SEZ6L2: variants seen among roughly 807,000 people sequenced by gnomAD.
SEZ6L2 encodes the protein seizure related 6 homolog like 2.
SEZ6L2 carries 44 observed loss-of-function variants against 97.0 expected under a neutral mutation model. That is an observed-to-expected ratio of 0.45 (90% confidence interval 0.36 to 0.58). SEZ6L2 has a LOEUF of 0.58. SEZ6L2 is among the 20% of genes least tolerant of loss of function. The probability of loss-of-function intolerance (pLI) is 0.00; values close to 1 mark genes in which losing one functional copy is unlikely to be tolerated. For synonymous variants in SEZ6L2, 543 were observed against 546.1 expected, an observed-to-expected ratio of 0.99 and a Z score of 0.08; for missense variants, 1,086 against 1,233.3, an observed-to-expected ratio of 0.88 and a Z score of 1.79.
rs1390123753 is a variant in SEZ6L2, at chr16:29,874,547, CTTGTTTTTTTTTTTTTTTTTTTT to C, written c.2105-841_2105-819del. Among the ~76,000 whole-genome samples the C allele has an allele frequency of 4.1e-4, 10 of 24,578 alleles. No individual in the cohort carries two copies. The East Asian group carries it at 9.2e-3, about 23-fold the overall frequency. 16.1% of individuals were successfully genotyped at this position (24,578 alleles called of 152,430 possible). A position where few individuals can be genotyped will look rare whatever the true frequency, so the allele number is the denominator to read the frequency against. ...ACAAATATAATTCTTTGTGTGTGTG[CTTGTTTTTTTTTTTTTTTTTTTT>C]TTTTTTTTTTTTTTTTTTGAGATGG... On this transcript the variant is annotated intron_variant, in intron 12 of 17. Coordinates refer to ENST00000617533, the MANE Select transcript of SEZ6L2 (RefSeq NM_001243332.2).
chr16:29,871,724 G>A lies in SEZ6L2; in HGVS notation c.2747C>T (p.Thr916Met), dbSNP rs144165415. The A allele has an allele frequency of 2.7e-5, 44 of 1,608,236 alleles. No homozygotes were observed. Among genetic ancestry groups the A allele is most frequent in the African/African-American group, 1.5e-4 (11 of 74,868 alleles). Residue 916 changes from threonine to methionine, a missense_variant, in exon 18 of 18, where the codon ACG becomes ATG. Coordinates refer to ENST00000617533, the MANE Select transcript of SEZ6L2 (RefSeq NM_001243332.2). Reference sequence around the variant, plus strand: ...TCAGATGGAAACTTCATACTCCCGCGTATCCTGAAGACAGAGAGATCAGGT... The same window carrying A: ...TCAGATGGAAACTTCATACTCCCGCATATCCTGAAGACAGAGAGATCAGGT... ...FSNPLYEAGD[T>M]REYEVSI
intron 9 of SEZ6L2, among the ~76,000 whole-genome samples, chr16:29,878,754 TTC>T (rs1310555132): frequency 1.4e-5 from 2 of 147,074 alleles, no homozygotes; most frequent in Non-Finnish European, 1.5e-5. Flanking sequence ...CTATTTTTTT[TTC>T]TTTTTTCTTT....
chr16:29,888,791 C>T, intron 5 of SEZ6L2, 66 bp from the exon 6 acceptor site: 2 of 1,411,752 alleles, frequency 1.4e-6, no homozygotes, highest in South Asian at 2.7e-5. Flanking sequence ...ACTGATCCCC[C>T]AGCACTTCCC....
rs1444053484 is a variant in SEZ6L2 at position 29,895,478 on chromosome 16, A to G, written c.652-18T>C. 12 of 1,611,988 alleles carry G rather than the reference A, an allele frequency of 7.4e-6. No homozygotes were observed. The highest frequency in any genetic ancestry group is 1.0e-5 in the Non-Finnish European group (12 of 1,178,650). ...GTCTGCACCTAGAGAAGCCAGACAC[A>G]GACCCGCCAGGGCAAGTCAGCCAGG... is the stretch of plus-strand genomic sequence containing the variant. On this transcript the variant is annotated intron_variant, in intron 4 of 17. Transcript: ENST00000617533.
chr16:29,875,661 C>CTTTTTTTTTTTTTTT (rs149293940), intron 12 of SEZ6L2, among the ~76,000 whole-genome samples: 5 of 112,706 alleles, frequency 4.4e-5, no homozygotes, highest in African/African-American at 1.1e-4. Flanking sequence ...TTCTTTCTTT[C>CTTTTTTTTTTTTTTT]TTTCTTTTTT....
chr16:29,897,704 G>A lies in SEZ6L2; in HGVS notation c.211+149C>T, dbSNP rs74017648. 4.0e-3 allele frequency: 3,882 copies of A among 963,774 alleles called. 117 individuals are homozygous for A. The African/African-American group carries it at 0.06, about 15-fold the overall frequency. The allele number at this position is 963,774 out of a possible 1,614,324, so 59.7% of individuals were successfully genotyped here. A position where few individuals can be genotyped will look rare whatever the true frequency, so the allele number is the denominator to read the frequency against. ...AGGTTTGACTTTCTCTGACAGTCTC[G>A]TTCTGTGTTCCCTGAATCTCACAGG... On this transcript the variant is annotated intron_variant, in intron 2 of 17. Transcript: ENST00000617533.
intron 12 of SEZ6L2, among the ~76,000 whole-genome samples, chr16:29,875,915 G>A (rs1427532438): frequency 6.6e-6 from 1 of 151,734 alleles, no homozygotes; most frequent in African/African-American, 2.4e-5. Flanking sequence ...ACCGCACCTG[G>A]CCCTTTCTGC....
At chr16:29,895,521 C>A in intron 4 of SEZ6L2, 61 bp from the exon 5 acceptor site, 1 of 1,571,510 alleles carries the variant, frequency 6.4e-7, no homozygotes, top group Non-Finnish European at 8.7e-7. Context: ...CTTCCAAAGC[C>A]CCTGTCCTGT....
At chr16:29,888,772 C>A (rs1480854970) in intron 5 of SEZ6L2, 47 bp from the exon 6 acceptor site, 2 of 1,515,400 alleles carry the variant, frequency 1.3e-6, no homozygotes, top group East Asian at 2.3e-5. Context: ...TCCCATGCCA[C>A]CCTCTCATAC....
chr16:29,894,134 G>T, intron 5 of SEZ6L2, among the ~76,000 whole-genome samples: 1 of 152,198 alleles, frequency 6.6e-6, no homozygotes, highest in East Asian at 1.9e-4. Flanking sequence ...GCCTCCCAAA[G>T]TGCTGAGATT....
chr16:29,873,820 A>G lies in SEZ6L2; in HGVS notation c.2105-91T>C. On this transcript the variant is annotated intron_variant, in intron 12 of 17. Coordinates refer to ENST00000617533, the MANE Select transcript of SEZ6L2 (RefSeq NM_001243332.2). This position sits in a 1 kb window ranked among gnomAD's most constrained non-coding sequence, Gnocchi z 4.3. ...GAGACCCCATCTCTACAAAAAATTG[A>G]AAAATTAGCCAGGAGTGGTGGCGCA... The G allele has an allele frequency of 8.1e-7, 1 of 1,238,160 alleles. No individual in the cohort carries two copies. 76.7% of individuals were successfully genotyped at this position (1,238,160 alleles called of 1,614,324 possible). A position where few individuals can be genotyped will look rare whatever the true frequency, so the allele number is the denominator to read the frequency against.
rs765105295 is a variant in SEZ6L2, at chr16:29,896,924, G to A, written c.409C>T (p.Pro137Ser). Residue 137 changes from proline to serine, a missense_variant, in exon 3 of 18, where the codon CCT becomes TCT. By Grantham distance (74) the Pro-to-Ser change is moderately conservative (BLOSUM62 -1). Coordinates refer to ENST00000617533, the MANE Select transcript of SEZ6L2 (RefSeq NM_001243332.2). ...PGTTAPPPPS[P>S]ASPGPPLGPE... ...CCAAGGGGAGGCCCTGGGGAGGCAG[G>A]GCTGGGTGGGGGTGGGGCTGTGGTT... The A allele has an allele frequency of 3.7e-6, 6 of 1,612,610 alleles. No homozygotes were observed. Among genetic ancestry groups the A allele is most frequent in the Non-Finnish European group, 5.1e-6 (6 of 1,179,514 alleles).
Position 29,899,132 on chromosome 16 carries a change from T to TTC in SEZ6L2, c.-114_-113insGA. 1 of 754,278 alleles carries TTC rather than the reference T, an allele frequency of 1.3e-6. No individual in the cohort carries two copies. Among genetic ancestry groups the TTC allele is most frequent in the South Asian group, 1.6e-5 (1 of 61,104 alleles). 46.7% of individuals were successfully genotyped at this position (754,278 alleles called of 1,614,324 possible). A position where few individuals can be genotyped will look rare whatever the true frequency, so the allele number is the denominator to read the frequency against. On this transcript the variant is annotated 5_prime_UTR_variant, in exon 1 of 18. Coordinates refer to ENST00000617533, the MANE Select transcript of SEZ6L2 (RefSeq NM_001243332.2). ...ATTGTTTTTTTTTTTTTTTTTTTTTTCCTCGTAGGAGTCAGCAAAGAAAGA... is the reference window on the plus strand; with the variant it reads ...ATTGTTTTTTTTTTTTTTTTTTTTTTTCCCTCGTAGGAGTCAGCAAAGAAAGA...
rs2067832677 is a variant in SEZ6L2, at chr16:29,873,499, G to T, written c.2296+39C>A. 6 of 1,613,966 alleles carry T rather than the reference G, an allele frequency of 3.7e-6. No homozygotes were observed. In the East Asian group the frequency reaches 1.3e-4, roughly 36 times the overall value. On this transcript the variant is annotated intron_variant, in intron 13 of 17. Transcript: ENST00000617533. This position sits in a 1 kb window ranked among gnomAD's most constrained non-coding sequence, Gnocchi z 4.3. The stretch of plus-strand genomic sequence containing the variant: ...CACGGGGCAGACGGGCTCTCCCAGG[G>T]CTACCCAGCCACCCTCCCAGGGTGT...
intron 8 of SEZ6L2, among the ~76,000 whole-genome samples, chr16:29,885,334 A>T (rs2068114626): frequency 6.6e-6 from 1 of 152,200 alleles, no homozygotes; most frequent in African/African-American, 2.4e-5. Context: ...CGAGATACTG[A>T]GATAACTGGT....
At chr16:29,889,436 T>C (rs2068220971) in intron 5 of SEZ6L2, among the ~76,000 whole-genome samples, 1 of 149,098 alleles carries the variant, frequency 6.7e-6, no homozygotes, top group African/African-American at 2.5e-5. Context: ...CAAAACTCTG[T>C]CTCAAAAAAA....
intron 8 of SEZ6L2, 95 bp from the exon 9 acceptor site, chr16:29,880,159 A>C (rs1596969238): frequency 1.0e-5 from 12 of 1,152,070 alleles, no homozygotes; most frequent in South Asian, 3.2e-5. Flanking sequence ...TTCTTTGGCC[A>C]CTCACTGGGC....
At position 29,879,908 on chromosome 16, in the gene SEZ6L2, T is replaced by C. The variant is rs372629409; in HGVS notation, c.1529A>G (p.Asp510Gly). 4.3e-6 allele frequency: 7 copies of C among 1,613,412 alleles called. No homozygotes were observed. The highest frequency in any genetic ancestry group is 5.1e-6 in the Non-Finnish European group (6 of 1,179,660). ...PGPPNAIECV[D>G]PTEPHWNDTE... ...GTCGTTCCAGTGGGGTTCTGTGGGATCCACACATTCGATGGCATTGGGGGG... is the reference window on the plus strand; with the variant it reads ...GTCGTTCCAGTGGGGTTCTGTGGGACCCACACATTCGATGGCATTGGGGGG... The change falls in exon 9 of 18, where the codon GAT becomes GGT. Residue 510 changes from aspartate to glycine, a missense_variant. By Grantham distance (94) the Asp-to-Gly change is moderately conservative. Around this residue, in one of 2 missense-constraint regions of SEZ6L2, gnomAD observed 776 missense variants for 794.7 expected, o/e 0.98. Transcript: ENST00000617533.
intron 8 of SEZ6L2, among the ~76,000 whole-genome samples, chr16:29,883,589 G>C (rs2068071044): frequency 6.6e-6 from 1 of 152,108 alleles, no homozygotes; most frequent in African/African-American, 2.4e-5. Flanking sequence ...AAAGTACTGG[G>C]ATTAGAGACA....
Sources: allele counts gnomAD v4.1 joint callset (sites outside exome capture counted in the v4.1 genomes callset), GRCh38; gene constraint gnomAD v4.1.1; regional missense constraint gnomAD v4.1.1; non-coding constraint Gnocchi (gnomAD v3.1); transcripts MANE v1.5; gene names NCBI Gene and HGNC (gene_info 2026-07-23, HGNC 2026-07-21).